Variants in HIP1 observed in about 807,000 individuals in gnomAD.
HIP1 encodes the protein huntingtin interacting protein 1, also known as huntingtin-interacting protein 1.
A neutral mutation model predicts 147.6 loss-of-function variants in HIP1; 65 were observed. The ratio of observed to expected loss-of-function variants is 0.44; its 90% CI spans 0.36 to 0.54. The LOEUF is 0.54. HIP1 is among the 20% of genes least tolerant of loss of function. HIP1 has a pLI of 0.00. For missense variants in HIP1, 1,061 were observed against 1,299.6 expected (o/e 0.82, Z 2.82); for synonymous variants, 479 against 504.0 (o/e 0.95, Z 0.67).
At chr7:75,698,498 C>T (rs1230421503) in intron 1 of HIP1, among the ~76,000 whole-genome samples, 2 of 152,080 alleles carry the variant, frequency 1.3e-5, no homozygotes, top group Non-Finnish European at 2.9e-5. Flanking sequence ...ATGAGGAAGT[C>T]TATTGTAAAG....
At position 75,548,610 on chromosome 7, in the gene HIP1, G is replaced by A. The variant is rs145822763; in HGVS notation, c.2406+281C>T. On this transcript the variant is annotated intron_variant, in intron 23 of 30. Coordinates refer to ENST00000336926, the MANE Select transcript of HIP1 (RefSeq NM_005338.7). ...TCCTCCTGCAGCCTCTGGAGTAGCT[G>A]GGACTATAAGCATGCACCACCATGC... Among the ~76,000 whole-genome samples, 5 of 152,072 alleles carry A rather than the reference G, an allele frequency of 3.3e-5. No homozygotes were observed. The East Asian group carries it at 9.7e-4, about 29-fold the overall frequency.
rs1801289772 is a variant in HIP1 at position 75,715,505 on chromosome 7, C to T, written c.120+23296G>A. Reference sequence around the variant, plus strand: ...GAGAGAGAAAGGCCAGGTGTGATGGCTCACACCTGTAATCCCAGCACTTTG... The same window carrying T: ...GAGAGAGAAAGGCCAGGTGTGATGGTTCACACCTGTAATCCCAGCACTTTG... On this transcript the variant is annotated intron_variant, in intron 1 of 30. Transcript: ENST00000336926. Among the ~76,000 whole-genome samples, 11 of 150,946 alleles carry T rather than the reference C, an allele frequency of 7.3e-5. No homozygotes were observed. In the South Asian group the frequency reaches 1.9e-3, roughly 26 times the overall value.
At chr7:75,651,758 C>CA (rs1798996844) in intron 1 of HIP1, among the ~76,000 whole-genome samples, 1 of 152,102 alleles carries the variant, frequency 6.6e-6, no homozygotes, top group Non-Finnish European at 1.5e-5. Flanking sequence ...ATCATAGCTA[C>CA]CTCTTGGGGT....
intron 1 of HIP1, among the ~76,000 whole-genome samples, chr7:75,721,065 C>G (rs1554521256): frequency 6.7e-6 from 1 of 148,156 alleles, no homozygotes; most frequent in Non-Finnish European, 1.5e-5. Flanking sequence ...GACCTCATCT[C>G]TATAAAAAAT....
At chr7:75,719,482 C>T (rs1251050934) in intron 1 of HIP1, among the ~76,000 whole-genome samples, 5 of 148,058 alleles carry the variant, frequency 3.4e-5, no homozygotes, top group South Asian at 2.1e-4. Context: ...CCAGACTGGG[C>T]GACAGAGCGA....
At chr7:75,586,868 C>G (rs782148433) in intron 4 of HIP1, 35 bp from the exon 5 acceptor site, 2 of 1,318,688 alleles carry the variant, frequency 1.5e-6, no homozygotes, top group South Asian at 1.2e-5. Flanking sequence ...GAGTCAACAA[C>G]AAGAACATAA....
At chr7:75,602,037 G>C (rs1230861164) in intron 1 of HIP1, among the ~76,000 whole-genome samples, 1 of 147,678 alleles carries the variant, frequency 6.8e-6, no homozygotes, top group Non-Finnish European at 1.5e-5. Context: ...GTCTCACTCT[G>C]TTGCCCAGGC....
chr7:75,625,926 G>A (rs1375198308), intron 1 of HIP1: 3 of 151,998 alleles, frequency 2.0e-5, no homozygotes, highest in Non-Finnish European at 4.4e-5. Flanking sequence ...AGGCTTTGGA[G>A]AGCTGCTTGC....
intron 1 of HIP1, among the ~76,000 whole-genome samples, chr7:75,680,733 C>G (rs1332965909): frequency 6.6e-6 from 1 of 152,082 alleles, no homozygotes; most frequent in Non-Finnish European, 1.5e-5. Context: ...CCTCAGCCTC[C>G]CAAGTAGCTG....
chr7:75,717,995 A>C (rs1554520771), intron 1 of HIP1, among the ~76,000 whole-genome samples: 1 of 151,516 alleles, frequency 6.6e-6, no homozygotes, highest in African/African-American at 2.4e-5. Context: ...AAAAAGAATT[A>C]GCTGGGGCCA....
In HIP1 at chr7:75,568,370, G is replaced by A; in HGVS notation, c.746-114C>T. On this transcript the variant is annotated intron_variant, in intron 8 of 30. Transcript: ENST00000336926. This position sits in a 1 kb window ranked among gnomAD's most constrained non-coding sequence, Gnocchi z 4.1. Reference sequence around the variant, plus strand: ...TACCCTGGGGCATGTGGCCAGCACTGCCAGGGGCCACGACTGGCCTAGAGC... The same window carrying A: ...TACCCTGGGGCATGTGGCCAGCACTACCAGGGGCCACGACTGGCCTAGAGC... The A allele has an allele frequency of 2.6e-6, 2 of 767,936 alleles. No individual in the cohort carries two copies. 47.6% of individuals were successfully genotyped at this position (767,936 alleles called of 1,614,324 possible). A position where few individuals can be genotyped will look rare whatever the true frequency, so the allele number is the denominator to read the frequency against.
chr7:75,588,935 G>C (rs1236527820), intron 4 of HIP1, among the ~76,000 whole-genome samples: 1 of 152,124 alleles, frequency 6.6e-6, no homozygotes, highest in Non-Finnish European at 1.5e-5. Flanking sequence ...TGGATCACCT[G>C]AGGTTAGGAG....
At chr7:75,664,785 T>A (rs1295754759) in intron 1 of HIP1, among the ~76,000 whole-genome samples, 2 of 152,088 alleles carry the variant, frequency 1.3e-5, no homozygotes, top group African/African-American at 4.8e-5. Context: ...CACGTCCGAC[T>A]AATTTTTGTA....
chr7:75,590,783 C>T (rs797033458), intron 4 of HIP1, among the ~76,000 whole-genome samples: 10 of 152,284 alleles, frequency 6.6e-5, no homozygotes, highest in Admixed American at 2.0e-4. Context: ...TTACAGGGAA[C>T]GTTTTCTAGC....
In HIP1 at chr7:75,557,742, A is replaced by G. The variant is rs376498987; in HGVS notation, c.1493T>C (p.Met498Thr). The G allele has an allele frequency of 4.3e-6, 7 of 1,614,114 alleles. No individual in the cohort carries two copies. The African/African-American group carries it at 5.3e-5, about 12-fold the overall frequency. ...CAAATCTACCTGGGCTTGTCTGGCC[A>G]TGGACACCTGTTTGGTCACCTCTGC... ...KNAEVTKQVS[M>T]ARQAQVDLER... The change falls in exon 16 of 31, where the codon ATG becomes ACG. Residue 498 changes from methionine to threonine, a missense_variant. Transcript: ENST00000336926.
chr7:75,598,015 C>G (rs1215730205), intron 2 of HIP1, among the ~76,000 whole-genome samples: 1 of 152,168 alleles, frequency 6.6e-6, no homozygotes, highest in Non-Finnish European at 1.5e-5. Flanking sequence ...TTCCCTAATC[C>G]ACTTCAAGGC....
At position 75,555,521 on chromosome 7, in the gene HIP1, G is replaced by A. The variant is rs781839337; in HGVS notation, c.1858C>T (p.Arg620Ter). 7 of 1,614,048 alleles carry A rather than the reference G, an allele frequency of 4.3e-6. No individual in the cohort carries two copies. The highest frequency in any genetic ancestry group is 1.7e-5 in the Admixed American group (1 of 60,000). Residue 620 changes from arginine (R) to a stop codon, truncating the protein, a stop_gained, in exon 19 of 31, where the codon CGA (arginine) becomes TGA (stop). Transcript: ENST00000336926. LOFTEE classifies it high-confidence loss of function. ...ESMCQLAKDQ[R>*]KMLLVGSRKA... ...CTGGACCCCACCAGAAGCATTTTTCGTTGGTCTTTGGCAAGCTGGCACATA... is the reference window on the plus strand; with the variant it reads ...CTGGACCCCACCAGAAGCATTTTTCATTGGTCTTTGGCAAGCTGGCACATA...
At chr7:75,636,719 A>G (rs139315013) in intron 1 of HIP1, among the ~76,000 whole-genome samples, 45 of 152,296 alleles carry the variant, frequency 3.0e-4, no homozygotes, top group South Asian at 6.2e-4. Context: ...TGAGAATCTA[A>G]TATCACTTTT....
At chr7:75,579,785 C>T (rs1563217474) in intron 7 of HIP1, among the ~76,000 whole-genome samples, 2 of 152,154 alleles carry the variant, frequency 1.3e-5, no homozygotes, top group Admixed American at 1.3e-4. Flanking sequence ...GTCCAAGCCC[C>T]AAGAGTGGGT....
Sources: gnomAD v4.1 joint callset for allele counts (sites outside exome capture counted in the v4.1 genomes callset) on GRCh38, gnomAD v4.1.1 for gene constraint, Gnocchi (gnomAD v3.1) non-coding constraint, MANE v1.5 for transcripts, NCBI Gene and HGNC (gene_info 2026-07-23, HGNC 2026-07-21) for gene names.